THSD4: variants seen among roughly 807,000 people sequenced by gnomAD.
THSD4 encodes the protein thrombospondin type 1 domain containing 4.
THSD4 carries 69 observed loss-of-function variants against 119.0 expected under a neutral mutation model. The observed-to-expected ratio is 0.58, with a 90% CI of 0.48 to 0.71. The LOEUF (loss-of-function observed/expected upper bound fraction) is 0.71. THSD4 is among the 30% of genes least tolerant of loss of function. THSD4 has a pLI of 0.00. For missense variants in THSD4, 1,393 were observed against 1,391.1 expected (o/e 1.00, Z -0.02); for synonymous variants, 524 against 540.4 (o/e 0.97, Z 0.42).
At chr15:71,607,300 C>T (rs2140903644) in intron 7 of THSD4, among the ~76,000 whole-genome samples, 1 of 152,200 alleles carries the variant, frequency 6.6e-6, no homozygotes, top group South Asian at 2.1e-4. Flanking sequence ...GCAGATGGTC[C>T]AGCTTGCAAA....
intron 8 of THSD4, among the ~76,000 whole-genome samples, chr15:71,727,583 TATATACACACACAC>T (rs1215746418): frequency 4.4e-3 from 30 of 6,882 alleles, no homozygotes; most frequent in South Asian, 0.011. Flanking sequence ...TATATATATA[TATATACACACACAC>T]ACACACACAC....
At chr15:71,330,087 G>GA (rs58866556) in intron 6 of THSD4, among the ~76,000 whole-genome samples, 3,276 of 130,730 alleles carry the variant, frequency 0.025, 115 homozygotes, top group African/African-American at 0.078. Flanking sequence ...GTCTCCAAAG[G>GA]AAAAAAAAAA....
chr15:71,502,476 A>G (rs1397537111), intron 7 of THSD4, among the ~76,000 whole-genome samples: 1 of 152,180 alleles, frequency 6.6e-6, no homozygotes, highest in Non-Finnish European at 1.5e-5. Flanking sequence ...TCCAAAAGCA[A>G]ATACTAAGCA....
intron 10 of THSD4, chr15:71,732,324 A>C (rs1240272991): frequency 1.3e-5 from 2 of 152,190 alleles, no homozygotes; most frequent in African/African-American, 4.8e-5. Flanking sequence ...AAGAATAATG[A>C]GTTCACACCT....
chr15:71,666,901 A>G (rs777562137), intron 8 of THSD4, among the ~76,000 whole-genome samples: 2 of 152,234 alleles, frequency 1.3e-5, no homozygotes, highest in Non-Finnish European at 2.9e-5. Flanking sequence ...CTTCCCAGCC[A>G]TAACTCCTAG....
chr15:71,563,235 T>A (rs1172390710), intron 7 of THSD4, among the ~76,000 whole-genome samples: 1 of 152,156 alleles, frequency 6.6e-6, no homozygotes, highest in Non-Finnish European at 1.5e-5. Context: ...GTATCATGAC[T>A]GATGAGGACC....
chr15:71,436,867 G>A (rs758592125), intron 7 of THSD4, among the ~76,000 whole-genome samples: 4 of 152,150 alleles, frequency 2.6e-5, no homozygotes, highest in African/African-American at 4.8e-5. Context: ...TGGAGAACAC[G>A]CAGTGACCTG....
At chr15:71,299,140 G>A (rs904013687) in intron 6 of THSD4, among the ~76,000 whole-genome samples, 1 of 152,208 alleles carries the variant, frequency 6.6e-6, no homozygotes, top group African/African-American at 2.4e-5. Context: ...CATGACTGTT[G>A]ATGGTACTCA....
At chr15:71,370,747 T>C (rs1255777451) in intron 6 of THSD4, among the ~76,000 whole-genome samples, 3 of 152,360 alleles carry the variant, frequency 2.0e-5, no homozygotes, top group Admixed American at 6.5e-5. Context: ...CTGAGAAGAA[T>C]GTATATTCTG....
At chr15:71,317,183 G>A (rs6494904) in intron 6 of THSD4, among the ~76,000 whole-genome samples, 99,750 of 152,110 alleles carry the variant, frequency 0.66, 33,828 homozygotes, top group Admixed American at 0.76. Context: ...TATTTGTGAT[G>A]GAGAGCATTA....
chr15:71,506,565 G>T (rs1205791744), intron 7 of THSD4, among the ~76,000 whole-genome samples: 1 of 152,220 alleles, frequency 6.6e-6, no homozygotes, highest in Non-Finnish European at 1.5e-5. Context: ...GCCCCACACT[G>T]ACATCCCATC....
intron 6 of THSD4, among the ~76,000 whole-genome samples, chr15:71,349,289 C>T (rs1318053520): frequency 6.6e-6 from 1 of 152,210 alleles, no homozygotes; most frequent in East Asian, 1.9e-4. Context: ...CAGAAAAGCA[C>T]CTAAAATTGT....
chr15:71,360,539 A>G (rs779615698), intron 6 of THSD4, among the ~76,000 whole-genome samples: 1 of 152,188 alleles, frequency 6.6e-6, no homozygotes, highest in African/African-American at 2.4e-5. Context: ...ATTCTAGTCT[A>G]CTACTGCCAC....
intron 8 of THSD4, among the ~76,000 whole-genome samples, chr15:71,727,389 A>G (rs937414944): frequency 6.6e-6 from 1 of 151,794 alleles, no homozygotes; most frequent in Non-Finnish European, 1.5e-5. Context: ...ACATGTAAGT[A>G]GAGAGAATTA....
In THSD4 at chr15:71,778,594, C is replaced by T. The variant is rs1595943141; in HGVS notation, c.*1220C>T. 6.6e-6 allele frequency: 1 copy of T among 152,440 alleles called. No individual in the cohort carries two copies. Among genetic ancestry groups the T allele is most frequent in the Admixed American group, 6.5e-5 (1 of 15,282 alleles). 9.4% of individuals were successfully genotyped at this position (152,440 alleles called of 1,614,324 possible). On this transcript the variant is annotated 3_prime_UTR_variant, in exon 18 of 18. Transcript: ENST00000261862. ...TCCGGCCAACCTGTCCCAGCCGAAA[C>T]ACTGCTGTATTAGAAAAAGTCTCTT...
At chr15:71,623,133 G>C (rs1328076958) in intron 7 of THSD4, among the ~76,000 whole-genome samples, 1 of 152,150 alleles carries the variant, frequency 6.6e-6, no homozygotes. Context: ...CCACTGGAAA[G>C]AATTGGAGGG....
At chr15:71,761,493 G>T (rs566425010) in intron 15 of THSD4, among the ~76,000 whole-genome samples, 1 of 152,104 alleles carries the variant, frequency 6.6e-6, no homozygotes, top group African/African-American at 2.4e-5. Context: ...TCCCCCCAAA[G>T]ATTTTTTTAT....
At chr15:71,316,425 T>C (rs531294979) in intron 6 of THSD4, among the ~76,000 whole-genome samples, 6 of 152,316 alleles carry the variant, frequency 3.9e-5, no homozygotes, top group African/African-American at 7.2e-5. Flanking sequence ...CTTGAAGTTA[T>C]CCACAAGGCA....
intron 6 of THSD4, among the ~76,000 whole-genome samples, chr15:71,312,995 A>G (rs923526279): frequency 6.6e-6 from 1 of 152,224 alleles, no homozygotes; most frequent in Non-Finnish European, 1.5e-5. Flanking sequence ...GTTCACTGCC[A>G]CGTCTTCACT....
Sources: gnomAD v4.1 joint callset for allele counts (sites outside exome capture counted in the v4.1 genomes callset) on GRCh38, gnomAD v4.1.1 for gene constraint, MANE v1.5 for transcripts, NCBI Gene and HGNC (gene_info 2026-07-23, HGNC 2026-07-21) for gene names.